The following PPP6R2 variants were observed in gnomAD, a reference collection of about 807,000 sequenced individuals.
PPP6R2 encodes serine/threonine-protein phosphatase 6 regulatory subunit 2.
PPP6R2 carries 62 observed loss-of-function variants against 100.2 expected under a neutral mutation model. The observed-to-expected ratio is 0.62, with a 90% CI of 0.50 to 0.76. The LOEUF is 0.76. PPP6R2 is among the 30% of genes least tolerant of loss of function. PPP6R2 has a pLI of 0.00. For synonymous variants in PPP6R2, 525 were observed against 514.7 expected (o/e 1.02, Z -0.27); for missense variants, 1,142 against 1,276.3 (o/e 0.89, Z 1.60).
chr22:50,440,150 C>A, intron 21 of PPP6R2, 101 bp downstream of exon 21: 1 of 1,072,164 alleles, frequency 9.3e-7, no homozygotes, highest in Non-Finnish European at 1.3e-6. Flanking sequence ...GTGGCCGGGG[C>A]CTCGCATGCT....
chr22:50,407,104 T>C (rs1396895439), intron 4 of PPP6R2, among the ~76,000 whole-genome samples: 1 of 152,172 alleles, frequency 6.6e-6, no homozygotes, highest in Admixed American at 6.6e-5. Flanking sequence ...CCCAGCACTT[T>C]GGGAGGCCGA....
rs555111816 is a variant in PPP6R2, at chr22:50,431,435, C to T, written c.1335+53C>T. 54 of 1,515,610 alleles carry T rather than the reference C, an allele frequency of 3.6e-5. No individual in the cohort carries two copies. The highest frequency in any genetic ancestry group is 1.5e-4 in the African/African-American group (11 of 73,088). 93.9% of individuals were successfully genotyped at this position (1,515,610 alleles called of 1,614,324 possible). On this transcript the variant is annotated intron_variant, in intron 11 of 23. Coordinates refer to ENST00000612753, the MANE Select transcript of PPP6R2 (RefSeq NM_001242898.2). The surrounding 1 kb of genome is among the most constrained non-coding windows in gnomAD (Gnocchi z 4.8). The stretch of plus-strand genomic sequence containing the variant: ...AGCGCCAACTGCGCCCCACTCAGAC[C>T]GTGTCCATGTCAGCGCTGACGTGTG...
At position 50,419,436 on chromosome 22, in the gene PPP6R2, C is replaced by T; in HGVS notation, c.819C>T (p.Leu273=). The change falls in exon 8 of 24, where the codon CTC becomes CTT. Residue 273 remains leucine (L), a synonymous_variant. Coordinates refer to ENST00000612753, the MANE Select transcript of PPP6R2 (RefSeq NM_001242898.2). ...TCGTCAGTGGGACTCAGGTGTTACT[C>T]ACCTTGCTGGAAACCAGGCGGGTTG... ...SCLVSGTQVL[L]TLLETRRVGT... 6.2e-7 allele frequency: 1 copy of T among 1,614,182 alleles called. No homozygotes were observed.
At chr22:50,372,570 A>G (rs141999025) in intron 2 of PPP6R2, among the ~76,000 whole-genome samples, 2 of 152,178 alleles carry the variant, frequency 1.3e-5, no homozygotes, top group African/African-American at 4.8e-5. Flanking sequence ...AAACAAAACA[A>G]AAAAACAGAT....
At chr22:50,395,438 C>T (rs2056584705) in intron 3 of PPP6R2, among the ~76,000 whole-genome samples, 3 of 152,176 alleles carry the variant, frequency 2.0e-5, no homozygotes, top group Non-Finnish European at 2.9e-5. Context: ...GCACACATGA[C>T]CCGCAGTGTC....
At chr22:50,357,379 C>T (rs1270960316) in intron 1 of PPP6R2, among the ~76,000 whole-genome samples, 3 of 151,436 alleles carry the variant, frequency 2.0e-5, no homozygotes, top group Non-Finnish European at 4.4e-5. Context: ...TTCTCTTTCT[C>T]TTTCATCTCT....
chr22:50,339,001 G>T (rs1261291666), upstream of PPP6R2, among the ~76,000 whole-genome samples: 6 of 114,944 alleles, frequency 5.2e-5, no homozygotes, highest in Admixed American at 5.8e-4. Flanking sequence ...AGTATGTGTG[G>T]TATGTGGTGT....
intron 1 of PPP6R2, among the ~76,000 whole-genome samples, chr22:50,358,762 AT>A (rs910711655): frequency 6.6e-6 from 1 of 151,864 alleles, no homozygotes; most frequent in African/African-American, 2.4e-5. Context: ...GTCAGGATGC[AT>A]TTTTCTCCAT....
intron 19 of PPP6R2, 90 bp from the exon 20 acceptor site, chr22:50,439,609 TGA>T (rs1204273115): frequency 5.0e-6 from 7 of 1,386,832 alleles, no homozygotes; most frequent in Non-Finnish European, 6.7e-6. Context: ...TGTCAACCTC[TGA>T]GGGGCTCCCG....
chr22:50,440,296 C>T (rs759278782), intron 21 of PPP6R2, among the ~76,000 whole-genome samples: 23 of 152,244 alleles, frequency 1.5e-4, no homozygotes, highest in Non-Finnish European at 2.5e-4. Flanking sequence ...GGTGGCACAG[C>T]TCAGGTCTGC....
chr22:50,410,750 A>G (rs1446355367), intron 4 of PPP6R2, among the ~76,000 whole-genome samples: 1 of 151,948 alleles, frequency 6.6e-6, no homozygotes, highest in Non-Finnish European at 1.5e-5. Context: ...TGTTTTAGAA[A>G]ATGTCACAAT....
chr22:50,333,898 A>G, the PPP6R2 span, among the ~76,000 whole-genome samples: 8 of 152,302 alleles, frequency 5.3e-5, no homozygotes, highest in South Asian at 2.1e-4. Flanking sequence ...GTTGTCTCCA[A>G]TGATAGGTAA....
the PPP6R2 span, among the ~76,000 whole-genome samples, chr22:50,335,500 TTTTTG>T: frequency 3.3e-4 from 50 of 149,590 alleles, no homozygotes; most frequent in Non-Finnish European, 4.6e-4. Flanking sequence ...TGGCCCTTGT[TTTTTG>T]TTTTGTTTTG....
intron 6 of PPP6R2, among the ~76,000 whole-genome samples, chr22:50,417,601 T>C (rs934129409): frequency 2.0e-5 from 3 of 152,222 alleles, no homozygotes. Context: ...CACCGCTGCC[T>C]GGCCAACCAC....
intron 4 of PPP6R2, among the ~76,000 whole-genome samples, chr22:50,411,362 G>C (rs1350701952): frequency 2.6e-5 from 4 of 152,114 alleles, no homozygotes; most frequent in African/African-American, 9.7e-5. Context: ...GGCTGAGACA[G>C]GAGAATCACT....
At chr22:50,368,352 G>A (rs1047498341) in intron 1 of PPP6R2, among the ~76,000 whole-genome samples, 5 of 152,112 alleles carry the variant, frequency 3.3e-5, no homozygotes, top group Non-Finnish European at 7.4e-5. Context: ...AGGCACTGGC[G>A]CTACCACTAG....
In PPP6R2 at chr22:50,406,952, G is replaced by A. The variant is rs189576394; in HGVS notation, c.414+77G>A. The A allele has an allele frequency of 2.0e-3, 2,820 of 1,424,502 alleles. 10 individuals carry two copies. Among genetic ancestry groups the A allele is most frequent in the Non-Finnish European group, 2.6e-3 (2,637 of 1,020,884 alleles). The allele number at this position is 1,424,502 out of a possible 1,614,324, so 88.2% of individuals were successfully genotyped here. A position where few individuals can be genotyped will look rare whatever the true frequency, so the allele number is the denominator to read the frequency against. Reference sequence around the variant, plus strand: ...TGACGTGTCCTGCTGTGAGCCTGGCGGTGCGACTCATCCTCCGGCCGCGGG... The same window carrying A: ...TGACGTGTCCTGCTGTGAGCCTGGCAGTGCGACTCATCCTCCGGCCGCGGG... On this transcript the variant is annotated intron_variant, in intron 4 of 23. Transcript: ENST00000612753.
At chr22:50,338,341 AGT>A (rs1314915605), upstream of PPP6R2, among the ~76,000 whole-genome samples, 2 of 64,348 alleles carry the variant, frequency 3.1e-5, no homozygotes, top group African/African-American at 1.1e-4. Context: ...TGGTATATGT[AGT>A]GTGTGTGGTA....
chr22:50,354,215 G>A (rs1248729989), intron 1 of PPP6R2, among the ~76,000 whole-genome samples: 2 of 152,226 alleles, frequency 1.3e-5, no homozygotes, highest in African/African-American at 4.8e-5. Flanking sequence ...TGAGGCAGGA[G>A]AATCACTTGA....
Sources: gnomAD v4.1 joint callset for allele counts (sites outside exome capture counted in the v4.1 genomes callset) on GRCh38, gnomAD v4.1.1 for gene constraint, Gnocchi (gnomAD v3.1) non-coding constraint, MANE v1.5 for transcripts, NCBI Gene and HGNC (gene_info 2026-07-23, HGNC 2026-07-21) for gene names.